Variants in ASH1L observed in about 807,000 individuals in gnomAD.
The protein encoded by ASH1L is ASH1 like histone lysine methyltransferase.
A neutral mutation model predicts 269.0 loss-of-function variants in ASH1L; 23 were observed. The observed-to-expected ratio is 0.09, with a 90% CI of 0.06 to 0.12. The LOEUF (loss-of-function observed/expected upper bound fraction) is 0.12. Among genes scored for constraint, ASH1L ranks in the 10% least tolerant of loss-of-function variants. The pLI, the probability that ASH1L is intolerant of heterozygous loss-of-function variation, is 1.00. For missense variants in ASH1L, 2,912 were observed against 3,567.8 expected, an observed-to-expected ratio of 0.82 and a Z score of 4.68; for synonymous variants, 1,187 against 1,253.5, an observed-to-expected ratio of 0.95 and a Z score of 1.12.
intron 2 of ASH1L, among the ~76,000 whole-genome samples, chr1:155,489,384 C>T (rs567938808): frequency 6.7e-6 from 1 of 150,120 alleles, no homozygotes; most frequent in African/African-American, 2.5e-5. Flanking sequence ...TGAGGCAGGA[C>T]AATCACTAGA....
intron 6 of ASH1L, among the ~76,000 whole-genome samples, chr1:155,397,489 C>T (rs1571100031): frequency 6.7e-6 from 1 of 148,952 alleles, no homozygotes; most frequent in East Asian, 2.0e-4. Flanking sequence ...AAGAGCGAAA[C>T]TCTGTCTCAG....
chr1:155,340,130 A>T (rs902651155), intron 25 of ASH1L, among the ~76,000 whole-genome samples: 2 of 143,512 alleles, frequency 1.4e-5, no homozygotes, highest in Non-Finnish European at 3.0e-5. Context: ...CTGGAAAATT[A>T]AAAAAAAAAA....
At chr1:155,369,181 C>T (rs1655704130) in intron 12 of ASH1L, among the ~76,000 whole-genome samples, 2 of 152,118 alleles carry the variant, frequency 1.3e-5, no homozygotes, top group South Asian at 2.1e-4. Flanking sequence ...CGGTGGCTCA[C>T]GCCTGTAATC....
chr1:155,402,995 T>C (rs1658981108), intron 6 of ASH1L, among the ~76,000 whole-genome samples: 1 of 149,532 alleles, frequency 6.7e-6, no homozygotes. Context: ...CTGGCCAACA[T>C]GGTGAAACCC....
At chr1:155,558,967 C>T (rs1671783335) in intron 1 of ASH1L, among the ~76,000 whole-genome samples, 1 of 151,334 alleles carries the variant, frequency 6.6e-6, no homozygotes, top group Admixed American at 6.6e-5. Context: ...GCCTCAGCAT[C>T]CCAACTGGCT....
At chr1:155,345,116 C>G (rs1268785592) in intron 21 of ASH1L, among the ~76,000 whole-genome samples, 1 of 151,588 alleles carries the variant, frequency 6.6e-6, no homozygotes, top group East Asian at 1.9e-4. Context: ...AACACCACGC[C>G]CAGCTAATTT....
intron 17 of ASH1L, among the ~76,000 whole-genome samples, chr1:155,350,613 C>G (rs1653809747): frequency 6.6e-6 from 1 of 152,114 alleles, no homozygotes; most frequent in African/African-American, 2.4e-5. Flanking sequence ...ATTAACTGCC[C>G]TTAATTAATA....
At chr1:155,451,881 C>T (rs559496654) in intron 4 of ASH1L, among the ~76,000 whole-genome samples, 2 of 151,454 alleles carry the variant, frequency 1.3e-5, no homozygotes, top group East Asian at 2.0e-4. Context: ...TCACCATGGC[C>T]GGCTAATTTT....
At chr1:155,458,968 TTG>T in intron 4 of ASH1L, among the ~76,000 whole-genome samples, 1 of 151,382 alleles carries the variant, frequency 6.6e-6, no homozygotes, top group Non-Finnish European at 1.5e-5. Flanking sequence ...TTTTTTTTTT[TTG>T]GTAAACACAC....
chr1:155,500,989 T>TA (rs1330031875), intron 2 of ASH1L, among the ~76,000 whole-genome samples: 14 of 149,090 alleles, frequency 9.4e-5, no homozygotes, highest in African/African-American at 2.7e-4. Context: ...AAACTATATT[T>TA]AAAAAAAAAG....
chr1:155,360,438 G>T, intron 12 of ASH1L, 29 bp from the exon 13 acceptor site: 1 of 1,496,948 alleles, frequency 6.7e-7, no homozygotes, highest in Non-Finnish European at 9.2e-7. Context: ...GAGTTATAAA[G>T]GCTGGAAATT....
intron 7 of ASH1L, among the ~76,000 whole-genome samples, chr1:155,381,706 C>A (rs958349870): frequency 4.0e-5 from 6 of 150,956 alleles, no homozygotes; most frequent in Admixed American, 4.0e-4. Context: ...GAAACCCCAA[C>A]TCTACTAAAA....
rs762765986 is a variant in ASH1L at position 155,433,742 on chromosome 1, G to A, written c.5828+4585C>T. ...CAGCCAAACGACCATCTGCCGCTTT[G>A]AGGGTCTGCAGCTTAGCTTCAAGAA... is the stretch of plus-strand genomic sequence containing the variant. On this transcript the variant is annotated intron_variant, in intron 5 of 27. Coordinates refer to ENST00000392403, the MANE Select transcript of ASH1L (RefSeq NM_018489.3). The A allele has an allele frequency of 8.1e-6, 13 of 1,603,380 alleles. 1 individual carries two copies. Among genetic ancestry groups the A allele is most frequent in the African/African-American group, 8.0e-5 (6 of 74,768 alleles).
chr1:155,434,860 G>T (rs12564667), intron 5 of ASH1L, among the ~76,000 whole-genome samples: 1 of 151,588 alleles, frequency 6.6e-6, no homozygotes, highest in Non-Finnish European at 1.5e-5. Context: ...CAAAAAAAAA[G>T]AAAAAAAGAA....
In ASH1L at chr1:155,482,227, T is replaced by A; in HGVS notation, c.643A>T (p.Ser215Cys). 1 of 1,614,212 alleles carries A rather than the reference T, an allele frequency of 6.2e-7. No homozygotes were observed. The stretch of plus-strand genomic sequence containing the variant: ...AGCTGTGCCAACTTTTCTGTTACAC[T>A]AGTTCCTCCATTAAGTAATGCTCTG... ...KDRALLNGGT[S>C]VTEKLAQLIA... The change falls in exon 3 of 28, where the codon AGT becomes TGT. Residue 215 changes from serine to cysteine, a missense_variant. Physicochemically the swap from Ser to Cys is moderately radical, Grantham distance 112. Coordinates refer to ENST00000392403, the MANE Select transcript of ASH1L (RefSeq NM_018489.3).
At chr1:155,405,286 C>G (rs973938465) in intron 6 of ASH1L, among the ~76,000 whole-genome samples, 1 of 151,796 alleles carries the variant, frequency 6.6e-6, no homozygotes, top group Non-Finnish European at 1.5e-5. Context: ...AGTTCGAGAC[C>G]AGCCTGGCCA....
chr1:155,476,541 A>G (rs1665565016), intron 3 of ASH1L, among the ~76,000 whole-genome samples: 1 of 151,674 alleles, frequency 6.6e-6, no homozygotes, highest in Non-Finnish European at 1.5e-5. Flanking sequence ...CTAATACACA[A>G]GTCTTTTTTT....
At chr1:155,410,159 CTT>C (rs1412724012) in intron 6 of ASH1L, among the ~76,000 whole-genome samples, 1 of 151,944 alleles carries the variant, frequency 6.6e-6, no homozygotes, top group Admixed American at 6.6e-5. Context: ...AAAAAAAACG[CTT>C]TGTCACTTAG....
chr1:155,348,897 A>ATAT (rs545641703), intron 19 of ASH1L, among the ~76,000 whole-genome samples: 1,269 of 31,374 alleles, frequency 0.04, 20 homozygotes, highest in East Asian at 0.13. Context: ...AAAAAAAAAA[A>ATAT]AAATATATAT....
Sources: gnomAD v4.1 joint callset for allele counts (sites outside exome capture counted in the v4.1 genomes callset) on GRCh38, gnomAD v4.1.1 for gene constraint, MANE v1.5 for transcripts, NCBI Gene and HGNC (gene_info 2026-07-23, HGNC 2026-07-21) for gene names.